The following PLOD2 variants were observed in gnomAD, a reference collection of about 807,000 sequenced individuals.
PLOD2 encodes the protein lysine hydroxylase 2.
A neutral mutation model predicts 101.0 loss-of-function variants in PLOD2; 65 were observed. The observed-to-expected ratio is 0.64, with a 90% CI of 0.53 to 0.79. The LOEUF (loss-of-function observed/expected upper bound fraction) is 0.79. Among genes scored for constraint, PLOD2 ranks in the 30% least tolerant of loss-of-function variants. The probability of loss-of-function intolerance (pLI) is 0.00; values close to 1 mark genes in which losing one functional copy is unlikely to be tolerated. For missense variants in PLOD2, 909 were observed against 914.6 expected, an observed-to-expected ratio of 0.99 and a Z score of 0.08; for synonymous variants, 314 against 302.9, an observed-to-expected ratio of 1.04 and a Z score of -0.38.
intron 3 of PLOD2, among the ~76,000 whole-genome samples, chr3:146,113,142 A>G (rs1559855681): frequency 6.6e-6 from 1 of 152,194 alleles, no homozygotes; most frequent in Non-Finnish European, 1.5e-5. Context: ...AACTTTTATA[A>G]TTTAGCGTTT....
intron 1 of PLOD2, among the ~76,000 whole-genome samples, chr3:146,143,564 T>A (rs2031634559): frequency 6.6e-6 from 1 of 151,994 alleles, no homozygotes; most frequent in South Asian, 2.1e-4. Context: ...CTTAAAGAAT[T>A]TCCCTGTATC....
intron 3 of PLOD2, among the ~76,000 whole-genome samples, chr3:146,110,692 C>A (rs1937614353): frequency 6.6e-6 from 1 of 151,904 alleles, no homozygotes; most frequent in African/African-American, 2.4e-5. Context: ...TAGTGTTAGC[C>A]TTAATTTTTT....
chr3:146,080,511 T>TAC (rs113587025), intron 12 of PLOD2, among the ~76,000 whole-genome samples: 1,713 of 150,522 alleles, frequency 0.011, 26 homozygotes, highest in South Asian at 0.03. Context: ...TTTCAACTTA[T>TAC]ACACACACAC....
At chr3:146,087,820 C>T (rs1447038630) in intron 9 of PLOD2, among the ~76,000 whole-genome samples, 2 of 151,756 alleles carry the variant, frequency 1.3e-5, no homozygotes, top group East Asian at 3.9e-4. Context: ...AAAGCAAATG[C>T]TCAATTTTTC....
chr3:146,159,523 C>G (rs567747338), intron 1 of PLOD2, among the ~76,000 whole-genome samples: 55 of 152,234 alleles, frequency 3.6e-4, no homozygotes, highest in African/African-American at 1.3e-3. Context: ...TTGGGTGTTT[C>G]AACAAAGAAA....
At chr3:146,118,324 G>A (rs913093692) in intron 3 of PLOD2, among the ~76,000 whole-genome samples, 2 of 152,026 alleles carry the variant, frequency 1.3e-5, no homozygotes, top group Non-Finnish European at 2.9e-5. Context: ...AATATTTTGT[G>A]TAAAATATAA....
At chr3:146,115,619 T>TA (rs1937873563) in intron 3 of PLOD2, among the ~76,000 whole-genome samples, 1 of 152,166 alleles carries the variant, frequency 6.6e-6, no homozygotes, top group Non-Finnish European at 1.5e-5. Context: ...AGATTAATTT[T>TA]AAAACCCTAG....
intron 6 of PLOD2, 102 bp downstream of exon 6, chr3:146,104,177 G>A (rs892458776): frequency 3.8e-6 from 3 of 780,730 alleles, no homozygotes; most frequent in East Asian, 2.4e-5. Flanking sequence ...TTACACTGTC[G>A]ACCTTAGTCA....
chr3:146,087,286 T>C (rs1263452436), intron 9 of PLOD2, among the ~76,000 whole-genome samples: 2 of 151,958 alleles, frequency 1.3e-5, no homozygotes, highest in Non-Finnish European at 2.9e-5. Flanking sequence ...AAATCTTAGA[T>C]ATATGTTGTG....
At position 146,092,107 on chromosome 3, in the gene PLOD2, C is replaced by CAA. The variant is rs3838608; in HGVS notation, c.778-208_778-207dup. 1.6e-3 allele frequency among the ~76,000 whole-genome samples: 244 copies of CAA among 149,620 alleles called. 1 individual carries two copies. Among genetic ancestry groups the CAA allele is most frequent in the African/African-American group, 3.9e-3 (161 of 40,896 alleles). On this transcript the variant is annotated intron_variant, in intron 7 of 19. Coordinates refer to ENST00000282903, the MANE Select transcript of PLOD2 (RefSeq NM_182943.3). ...CAGGACAAAGTATGTCTAGAAATGT[C>CAA]AAAAAAAAAGTCTTATAAATCATAA... is the stretch of plus-strand genomic sequence containing the variant.
intron 1 of PLOD2, among the ~76,000 whole-genome samples, chr3:146,156,707 T>C (rs953906542): frequency 3.5e-4 from 53 of 152,234 alleles, no homozygotes; most frequent in Non-Finnish European, 2.9e-5. Context: ...CCTTTTCCCT[T>C]TTAGCAAAGC....
At chr3:146,117,043 C>A (rs6783601) in intron 3 of PLOD2, among the ~76,000 whole-genome samples, 76,474 of 151,824 alleles carry the variant, frequency 0.5, 19,334 homozygotes, top group East Asian at 0.56. Flanking sequence ...TCTAAAATTG[C>A]ATAATGGGGA....
At chr3:146,088,809 G>T in intron 8 of PLOD2, 98 bp from the exon 9 acceptor site, 3 of 1,022,050 alleles carry the variant, frequency 2.9e-6, no homozygotes, top group South Asian at 1.4e-5. Flanking sequence ...AAAAATACTA[G>T]AATATCAATT....
At chr3:146,130,744 T>C (rs2030861057) in intron 1 of PLOD2, among the ~76,000 whole-genome samples, 1 of 152,146 alleles carries the variant, frequency 6.6e-6, no homozygotes, top group South Asian at 2.1e-4. Flanking sequence ...AACTTCAGAG[T>C]TATTCCTCAA....
intron 4 of PLOD2, among the ~76,000 whole-genome samples, chr3:146,107,582 C>T (rs917555312): frequency 2.0e-5 from 3 of 149,894 alleles, no homozygotes; most frequent in African/African-American, 7.3e-5. Flanking sequence ...ATGACCAAAA[C>T]CAATCAATGG....
At chr3:146,115,084 C>A (rs984345602) in intron 3 of PLOD2, among the ~76,000 whole-genome samples, 1 of 152,058 alleles carries the variant, frequency 6.6e-6, no homozygotes, top group African/African-American at 2.4e-5. Flanking sequence ...TGTGATGTCT[C>A]CCCCGGACAC....
chr3:146,090,878 A>T (rs1936949508), intron 8 of PLOD2, among the ~76,000 whole-genome samples: 2 of 151,742 alleles, frequency 1.3e-5, no homozygotes, highest in Admixed American at 1.3e-4. Flanking sequence ...GCTGCTGTAG[A>T]TACTCAATGA....
At chr3:146,139,163 T>C (rs2031398468) in intron 1 of PLOD2, among the ~76,000 whole-genome samples, 1 of 152,150 alleles carries the variant, frequency 6.6e-6, no homozygotes, top group South Asian at 2.1e-4. Context: ...TCCATTTGAA[T>C]ATGTTTCTAA....
chr3:146,073,633 T>C (rs1230837259), intron 15 of PLOD2: 2 of 176,704 alleles, frequency 1.1e-5, no homozygotes, highest in African/African-American at 4.7e-5. Context: ...ATTTTACAGA[T>C]GCTCCTTGAC....
Sources: allele counts gnomAD v4.1 joint callset (sites outside exome capture counted in the v4.1 genomes callset), GRCh38; gene constraint gnomAD v4.1.1; transcripts MANE v1.5; gene names NCBI Gene and HGNC (gene_info 2026-07-23, HGNC 2026-07-21).